The following GALNT13 variants were observed in gnomAD, a reference collection of about 807,000 sequenced individuals.
The protein encoded by GALNT13 is UDP-GalNAc:polypeptide N-acetylgalactosaminyltransferase 13.
Under a neutral mutation model 64.2 loss-of-function variants are expected in GALNT13, and 28 were observed. That is an observed-to-expected ratio of 0.44 (90% CI 0.32 to 0.60). GALNT13 has a LOEUF of 0.60. Ranked by LOEUF, GALNT13 falls within the 20% of genes least tolerant of loss-of-function variation. The pLI, the probability that GALNT13 is intolerant of heterozygous loss-of-function variation, is 0.05. For synonymous variants in GALNT13, 214 were observed against 224.6 expected (o/e 0.95, Z 0.42); for missense variants, 577 against 669.8 (o/e 0.86, Z 1.53).
At chr2:153,503,235 C>G in the GALNT13 span, among the ~76,000 whole-genome samples, 1 of 152,064 alleles carries the variant, frequency 6.6e-6, no homozygotes, top group South Asian at 2.1e-4. Context: ...GTATTTGACC[C>G]ATCTTGAGTT....
chr2:154,009,019 T>G (rs1696446230), intron 3 of GALNT13, among the ~76,000 whole-genome samples: 1 of 152,200 alleles, frequency 6.6e-6, no homozygotes, highest in South Asian at 2.1e-4. Flanking sequence ...ATTGCCAAAC[T>G]GATTTCAAGA....
chr2:154,131,375 C>T (rs886673180), intron 3 of GALNT13, among the ~76,000 whole-genome samples: 1 of 152,116 alleles, frequency 6.6e-6, no homozygotes, highest in Admixed American at 6.6e-5. Flanking sequence ...AAGGACCTTG[C>T]TACTTATTTT....
the GALNT13 span, among the ~76,000 whole-genome samples, chr2:153,098,277 C>T: frequency 1.3e-5 from 2 of 152,112 alleles, no homozygotes; most frequent in African/African-American, 2.4e-5. Flanking sequence ...TCCCTGAAGT[C>T]TTGCTTATCA....
At chr2:153,141,523 TG>T in the GALNT13 span, among the ~76,000 whole-genome samples, 1 of 151,928 alleles carries the variant, frequency 6.6e-6, no homozygotes, top group Non-Finnish European at 1.5e-5. Flanking sequence ...TGGTGGATAG[TG>T]AGGTGGGGAG....
intron 4 of GALNT13, among the ~76,000 whole-genome samples, chr2:154,193,799 A>G (rs1174408992): frequency 6.6e-6 from 1 of 152,190 alleles, no homozygotes; most frequent in East Asian, 1.9e-4. Context: ...CTGACTATCT[A>G]TACTGTTTTG....
At chr2:153,725,817 G>A in the GALNT13 span, among the ~76,000 whole-genome samples, 2 of 115,842 alleles carry the variant, frequency 1.7e-5, no homozygotes, top group Non-Finnish European at 3.3e-5. Context: ...GTTTTGTGCT[G>A]AATGTTTAAA....
At chr2:154,143,516 T>G (rs2105589666) in intron 4 of GALNT13, among the ~76,000 whole-genome samples, 1 of 151,556 alleles carries the variant, frequency 6.6e-6, no homozygotes, top group Admixed American at 6.6e-5. Flanking sequence ...AAGTCTTCAC[T>G]GAGCTAATGT....
At chr2:153,864,094 G>A in the GALNT13 span, among the ~76,000 whole-genome samples, 5 of 152,124 alleles carry the variant, frequency 3.3e-5, no homozygotes, top group Non-Finnish European at 7.4e-5. Flanking sequence ...AGTATAATAA[G>A]TCTTTTCCAT....
At chr2:153,754,115 G>A in the GALNT13 span, among the ~76,000 whole-genome samples, 1 of 151,600 alleles carries the variant, frequency 6.6e-6, no homozygotes, top group South Asian at 2.1e-4. Context: ...CTACACTCTG[G>A]CCCAGTGCAG....
the GALNT13 span, among the ~76,000 whole-genome samples, chr2:153,741,694 G>T: frequency 6.6e-6 from 1 of 151,978 alleles, no homozygotes; most frequent in Non-Finnish European, 1.5e-5. Context: ...AAGCTGATTT[G>T]TAGAGGTAAA....
At chr2:153,178,200 T>G in the GALNT13 span, among the ~76,000 whole-genome samples, 2 of 152,234 alleles carry the variant, frequency 1.3e-5, no homozygotes, top group Non-Finnish European at 2.9e-5. Context: ...ACATACTGAC[T>G]TCAAATCTTT....
At chr2:153,577,060 T>C in the GALNT13 span, among the ~76,000 whole-genome samples, 9 of 152,138 alleles carry the variant, frequency 5.9e-5, no homozygotes, top group Non-Finnish European at 1.3e-4. Context: ...GCATGTGAAG[T>C]AAGAGGTCAA....
At chr2:153,499,985 C>T in the GALNT13 span, among the ~76,000 whole-genome samples, 2 of 152,136 alleles carry the variant, frequency 1.3e-5, no homozygotes, top group African/African-American at 4.8e-5. Context: ...TTGTTCCCAC[C>T]AGCTCCCTGG....
intron 11 of GALNT13, among the ~76,000 whole-genome samples, chr2:154,414,652 C>T (rs1292408740): frequency 6.6e-6 from 1 of 151,718 alleles, no homozygotes; most frequent in African/African-American, 2.4e-5. Flanking sequence ...TGCAAATTTT[C>T]TAGTGATATT....
At chr2:154,351,181 T>G (rs1010023287) in intron 9 of GALNT13, among the ~76,000 whole-genome samples, 2 of 152,124 alleles carry the variant, frequency 1.3e-5, no homozygotes, top group Non-Finnish European at 2.9e-5. Context: ...GCGCTTTGGC[T>G]GTGATTCAGT....
the GALNT13 span, among the ~76,000 whole-genome samples, chr2:153,177,096 A>C: frequency 1.3e-5 from 1 of 76,834 alleles, no homozygotes; most frequent in Non-Finnish European, 3.2e-5. Context: ...GGTAAGTACA[A>C]ATAGCATTGA....
At position 154,356,786 on chromosome 2, in the gene GALNT13, A is replaced by G. The variant is rs199592811; in HGVS notation, c.1157-39205A>G. Among the ~76,000 whole-genome samples, 9 of 151,514 alleles carry G rather than the reference A, an allele frequency of 5.9e-5. No homozygotes were observed. In the East Asian group the frequency reaches 1.8e-3, roughly 30 times the overall value. On this transcript the variant is annotated intron_variant, in intron 9 of 12. Transcript: ENST00000392825. The stretch of plus-strand genomic sequence containing the variant: ...TATACTTCTAACTGAGCCTTAAACT[A>G]TAAAACTATATGTTGATGCATATTT...
At chr2:153,718,536 C>T in the GALNT13 span, among the ~76,000 whole-genome samples, 1 of 151,758 alleles carries the variant, frequency 6.6e-6, no homozygotes. Flanking sequence ...GTTTGAGGCT[C>T]ATAAAAGTAA....
intron 8 of GALNT13, among the ~76,000 whole-genome samples, chr2:154,275,260 C>G (rs1691578931): frequency 6.6e-6 from 1 of 152,094 alleles, no homozygotes; most frequent in Non-Finnish European, 1.5e-5. Flanking sequence ...ACCACCAAGA[C>G]AATGGGGAAA....
Sources: gnomAD v4.1 joint callset for allele counts (sites outside exome capture counted in the v4.1 genomes callset) on GRCh38, gnomAD v4.1.1 for gene constraint, MANE v1.5 for transcripts, NCBI Gene and HGNC (gene_info 2026-07-23, HGNC 2026-07-21) for gene names.